ARSF: variants seen among roughly 807,000 people sequenced by gnomAD.
ARSF encodes the protein arylsulfatase F.
In ARSF, 33 loss-of-function variants were observed where a neutral mutation model predicts 35.4. The observed-to-expected ratio is 0.93, with a 90% CI of 0.71 to 1.25. The LOEUF is 1.25. Among genes scored for constraint, ARSF ranks in the 50% most tolerant of loss-of-function variants. ARSF has a pLI of 0.00. For missense variants in ARSF, 501 were observed against 480.2 expected, an observed-to-expected ratio of 1.04 and a Z score of -0.40; for synonymous variants, 222 against 193.1, an observed-to-expected ratio of 1.15 and a Z score of -1.24.
At chrX:3,042,300 G>T (rs1390825001) in intron 1 of ARSF, among the ~76,000 whole-genome samples, 2 of 111,246 alleles carry the variant, frequency 1.8e-5, no homozygotes, top group African/African-American at 6.5e-5. Context: ...CTAGGTAAAA[G>T]ATTTTATAAA....
rs770362024 is a variant in ARSF, at chrX:3,101,070, CTT to C, written c.968-16_968-15del. The C allele has an allele frequency of 5.0e-6, 6 of 1,203,217 alleles. No individual in the cohort carries two copies. The highest frequency in any genetic ancestry group is 5.6e-6 in the Non-Finnish European group (5 of 890,700). ...ATAATGTCATTATTTTTACTTGTCT[CTT>C]GTATATTATTTTAGGCAAGATTCTT... On this transcript the variant is annotated splice_polypyrimidine_tract_variant and intron_variant, in intron 7 of 10. Transcript: ENST00000381127.
intron 7 of ARSF, among the ~76,000 whole-genome samples, chrX:3,092,175 AG>A (rs1764333693): frequency 2.9e-5 from 3 of 104,162 alleles, no homozygotes; most frequent in Non-Finnish European, 5.9e-5. Context: ...GATGATAGAT[AG>A]ATACATACAT....
At chrX:3,107,403 T>A (rs1483938318) in intron 9 of ARSF, among the ~76,000 whole-genome samples, 1 of 110,391 alleles carries the variant, frequency 9.1e-6, no homozygotes, top group African/African-American at 3.3e-5. Flanking sequence ...AAAGAAAAAA[T>A]TAAAATATTA....
At chrX:3,064,956 T>A (rs991752220) in intron 1 of ARSF, among the ~76,000 whole-genome samples, 2 of 111,606 alleles carry the variant, frequency 1.8e-5, no homozygotes, top group African/African-American at 6.5e-5. Flanking sequence ...TTACTGGGTA[T>A]ATACCCAAAG....
intron 7 of ARSF, among the ~76,000 whole-genome samples, chrX:3,091,859 T>C (rs989762332): frequency 4.5e-5 from 5 of 109,923 alleles, no homozygotes; most frequent in African/African-American, 9.9e-5. Flanking sequence ...AGATAGATGA[T>C]GGATGATAGA....
intron 9 of ARSF, among the ~76,000 whole-genome samples, chrX:3,106,569 G>A (rs2090412651): frequency 9.0e-6 from 1 of 111,527 alleles, no homozygotes; most frequent in Non-Finnish European, 1.9e-5. Flanking sequence ...ACTCAAAAGC[G>A]GCTCTCACCT....
intron 5 of ARSF, among the ~76,000 whole-genome samples, chrX:3,083,489 T>TCTAA (rs1569140802): frequency 1.8e-4 from 8 of 43,583 alleles, no homozygotes; most frequent in Non-Finnish European, 4.5e-5. Context: ...ATCCTATCTA[T>TCTAA]CTATCTATCT....
At chrX:3,097,047 C>G (rs1569145936) in intron 7 of ARSF, among the ~76,000 whole-genome samples, 1 of 111,184 alleles carries the variant, frequency 9.0e-6, no homozygotes, top group African/African-American at 3.3e-5. Context: ...CTAGAAACTT[C>G]AGAGAGAGAG....
intron 1 of ARSF, among the ~76,000 whole-genome samples, chrX:3,047,034 C>T (rs1306049727): frequency 1.4e-4 from 16 of 110,823 alleles, no homozygotes; most frequent in Non-Finnish European, 2.8e-4. Context: ...ACATTCAAAG[C>T]TGTCCTAAGC....
intron 3 of ARSF, among the ~76,000 whole-genome samples, chrX:3,073,128 T>G (rs1037725376): frequency 1.2e-4 from 12 of 99,201 alleles, no homozygotes; most frequent in African/African-American, 4.3e-4. Context: ...AAATATATAT[T>G]CATTTTATAT....
intron 7 of ARSF, among the ~76,000 whole-genome samples, chrX:3,093,123 C>T (rs187828343): frequency 6.3e-5 from 7 of 111,606 alleles, no homozygotes; most frequent in South Asian, 7.6e-4. Context: ...CGAGATCGCG[C>T]CACTGCACTC....
intron 4 of ARSF, among the ~76,000 whole-genome samples, chrX:3,079,937 C>T (rs1274289245): frequency 6.2e-5 from 5 of 80,069 alleles, no homozygotes; most frequent in African/African-American, 2.1e-4. Flanking sequence ...CTAGCCTGGG[C>T]AGCAGAGTGA....
chrX:3,084,215 G>T, intron 5 of ARSF, 28 bp from the exon 6 acceptor site: 1 of 1,202,693 alleles, frequency 8.3e-7, no homozygotes. Context: ...ATATTGATGC[G>T]TAGATGTGTT....
At chrX:3,077,295 G>C (rs1450344655) in intron 4 of ARSF, among the ~76,000 whole-genome samples, 1 of 112,108 alleles carries the variant, frequency 8.9e-6, no homozygotes, top group Non-Finnish European at 1.9e-5. Context: ...TACAACATGT[G>C]TTTACACATT....
At chrX:3,083,685 C>T (rs144852893) in intron 5 of ARSF, among the ~76,000 whole-genome samples, 85 of 111,503 alleles carry the variant, frequency 7.6e-4, no homozygotes, top group African/African-American at 2.6e-3. Flanking sequence ...GTCTATCTAC[C>T]TATCTTTCTG....
At chrX:3,041,299 C>CTT (rs35885735), upstream of ARSF, among the ~76,000 whole-genome samples, 444 of 87,318 alleles carry the variant, frequency 5.1e-3, 8 homozygotes, top group East Asian at 0.011. Flanking sequence ...TTTTCTTTTT[C>CTT]TTTTTTTTTT....
chrX:3,081,566 G>A (rs1209933627), intron 5 of ARSF, among the ~76,000 whole-genome samples: 1 of 111,276 alleles, frequency 9.0e-6, no homozygotes, highest in Non-Finnish European at 1.9e-5. Flanking sequence ...TGAACTCCTG[G>A]CCTCCAGTGG....
At chrX:3,055,299 G>A (rs1286875668) in intron 1 of ARSF, among the ~76,000 whole-genome samples, 3 of 90,912 alleles carry the variant, frequency 3.3e-5, no homozygotes, top group South Asian at 1.2e-3. Context: ...CCCAGATCGC[G>A]CCACTGCACT....
chrX:3,107,547 A>C (rs5939450), intron 9 of ARSF, among the ~76,000 whole-genome samples: 1 of 110,937 alleles, frequency 9.0e-6, no homozygotes. Context: ...GTATTTCATA[A>C]GATTTTCTAG....
Sources: allele counts gnomAD v4.1 joint callset (sites outside exome capture counted in the v4.1 genomes callset), GRCh38; gene constraint gnomAD v4.1.1; transcripts MANE v1.5; gene names NCBI Gene and HGNC (gene_info 2026-07-23, HGNC 2026-07-21).